Variants in MYOD1 observed in about 807,000 individuals in gnomAD.
MYOD1 encodes the protein myoblast determination protein 1.
MYOD1 carries 15 observed loss-of-function variants against 14.9 expected under a neutral mutation model. The observed-to-expected ratio is 1.01, with a 90% confidence interval of 0.67 to 1.55. The LOEUF (loss-of-function observed/expected upper bound fraction) is 1.55. MYOD1 is among the 40% of genes most tolerant of loss of function. The pLI is 0.00. For synonymous variants in MYOD1, 235 were observed against 218.6 expected, an observed-to-expected ratio of 1.07 and a Z score of -0.66; for missense variants, 529 against 482.6, an observed-to-expected ratio of 1.10 and a Z score of -0.90.
Position 17,720,009 on chromosome 11 carries a change from G to T in MYOD1, c.227G>T (p.Arg76Leu). The change falls in exon 1 of 3, where the codon CGT becomes CTT. Residue 76 changes from arginine (R) to leucine (L), a missense_variant. Physicochemically the swap from Arg to Leu is moderately radical, Grantham distance 102 (BLOSUM62 -2). Coordinates refer to ENST00000250003, the MANE Select transcript of MYOD1 (RefSeq NM_002478.5). The stretch of plus-strand genomic sequence containing the variant: ...GCGGTGCACCCGGCCCCGGGCGCAC[G>T]TGAGGACGAGCATGTGCGCGCGCCC... ...PAAVHPAPGA[R>L]EDEHVRAPSG... 1 of 1,600,606 alleles carries T rather than the reference G, an allele frequency of 6.2e-7. No individual in the cohort carries two copies. The highest frequency in any genetic ancestry group is 1.1e-5 in the South Asian group (1 of 89,944).
At position 17,720,354 on chromosome 11, in the gene MYOD1, A is replaced by G; in HGVS notation, c.572A>G (p.Glu191Gly). 1 of 1,541,238 alleles carries G rather than the reference A, an allele frequency of 6.5e-7. No homozygotes were observed. The highest frequency in any genetic ancestry group is 2.2e-5 in the Admixed American group (1 of 45,518). Residue 191 changes from glutamate (E) to glycine (G), a missense_variant, in exon 1 of 3, where the codon GAG becomes GGG. By Grantham distance (98) the Glu-to-Gly change is moderately conservative. Transcript: ENST00000250003. ...CCGCTGCCCCCGGGCCGCGGCGGCG[A>G]GCACTACAGCGGCGACTCCGACGCG... is the stretch of plus-strand genomic sequence containing the variant. ...PGPLPPGRGG[E>G]HYSGDSDASS... is the part of the protein sequence containing the mutation.
Position 17,720,294 on chromosome 11 carries a change from C to T in MYOD1, c.512C>T (p.Pro171Leu), listed in dbSNP as rs757020317. The T allele has an allele frequency of 1.9e-6, 3 of 1,593,170 alleles. No homozygotes were observed. The highest frequency in any genetic ancestry group is 2.6e-6 in the Non-Finnish European group (3 of 1,173,232). Residue 171 changes from proline to leucine, a missense_variant, in exon 1 of 3, where the codon CCC becomes CTC. Pro to Leu is a moderately conservative substitution (Grantham distance 98, BLOSUM62 -3). Transcript: ENST00000250003. ...QALLRDQDAA[P>L]PGAAAAFYAP... ...CTGCTGCGCGACCAGGACGCCGCGCCCCCTGGCGCCGCAGCCGCCTTCTAT... is the reference window on the plus strand; with the variant it reads ...CTGCTGCGCGACCAGGACGCCGCGCTCCCTGGCGCCGCAGCCGCCTTCTAT...
At position 17,721,395 on chromosome 11, in the gene MYOD1, G is replaced by C; in HGVS notation, c.850G>C (p.Glu284Gln). ...TTCTGAGTCGCCTCCGCGCAGGCAA[G>C]AGGCTGCCGCCCCCAGCGAGGGAGA... is the stretch of plus-strand genomic sequence containing the variant. Reference protein sequence around the residue: ...VPSESPPRRQEAAAPSEGESS... With the variant: ...VPSESPPRRQQAAAPSEGESS... Residue 284 changes from glutamate to glutamine, a missense_variant, in exon 3 of 3, where the codon GAG (glutamate) becomes CAG (glutamine). Glu to Gln is a conservative substitution (Grantham distance 29). Transcript: ENST00000250003. This position sits in a 1 kb window ranked among gnomAD's most constrained non-coding sequence, Gnocchi z 6.2. 6.3e-7 allele frequency: 1 copy of C among 1,597,094 alleles called. No individual in the cohort carries two copies. Among genetic ancestry groups the C allele is most frequent in the Non-Finnish European group, 8.5e-7 (1 of 1,178,196 alleles).
intron 1 of MYOD1, 65 bp from the exon 2 acceptor site, chr11:17,720,837 A>G: frequency 2.0e-6 from 3 of 1,530,488 alleles, no homozygotes; most frequent in Non-Finnish European, 2.7e-6. Context: ...GGGCGGCTAC[A>G]GGAATTGGTG....
chr11:17,719,796 C>T lies in MYOD1; in HGVS notation c.14C>T (p.Ser5Leu), dbSNP rs1848617588. The T allele has an allele frequency of 1.2e-6, 2 of 1,612,786 alleles. No homozygotes were observed. The highest frequency in any genetic ancestry group is 2.2e-5 in the East Asian group (1 of 44,832). Residue 5 changes from serine to leucine, a missense_variant, in exon 1 of 3, where the codon TCG (serine) becomes TTG (leucine). By Grantham distance (145) the Ser-to-Leu change is moderately radical (BLOSUM62 -2). Coordinates refer to ENST00000250003, the MANE Select transcript of MYOD1 (RefSeq NM_002478.5). MELLSPPLRDVDLTA... is the reference protein window; with the variant it reads MELLLPPLRDVDLTA... ...CACCGCCAGGATATGGAGCTACTGT[C>T]GCCACCGCTCCGCGACGTAGACCTG... is the stretch of plus-strand genomic sequence containing the variant.
At position 17,720,892 on chromosome 11, in the gene MYOD1, C is replaced by CAA; in HGVS notation, c.631-10_631-9insAA. ...CGCGGGCCTGACTCAGTCGCCCTTGCTGTTTGCAGATGGACTACAGCGGCC... is the reference window on the plus strand; with the variant it reads ...CGCGGGCCTGACTCAGTCGCCCTTGCAATGTTTGCAGATGGACTACAGCGGCC... On this transcript the variant is annotated splice_polypyrimidine_tract_variant and intron_variant, in intron 1 of 2. Coordinates refer to ENST00000250003, the MANE Select transcript of MYOD1 (RefSeq NM_002478.5). 6.2e-7 allele frequency: 1 copy of CAA among 1,610,826 alleles called. No individual in the cohort carries two copies. The highest frequency in any genetic ancestry group is 8.5e-7 in the Non-Finnish European group (1 of 1,179,066).
rs748471351 is a variant in MYOD1, at chr11:17,720,331, G to C, written c.549G>C (p.Pro183=). ...CAGCCGCCTTCTATGCGCCGGGCCCGCTGCCCCCGGGCCGCGGCGGCGAGC... is the reference window on the plus strand; with the variant it reads ...CAGCCGCCTTCTATGCGCCGGGCCCCCTGCCCCCGGGCCGCGGCGGCGAGC... ...GAAAAFYAPG[P]LPPGRGGEHY... Residue 183 remains proline, a synonymous_variant, in exon 1 of 3, where the codon CCG becomes CCC. Transcript: ENST00000250003. 31 of 1,552,546 alleles carry C rather than the reference G, an allele frequency of 2.0e-5. No homozygotes were observed. The highest frequency in any genetic ancestry group is 2.6e-5 in the Non-Finnish European group (30 of 1,157,894).
rs760327910 is a variant in MYOD1 at position 17,721,007 on chromosome 11, C to T, written c.709+27C>T. ...TGGGTATTCCGGGCCTCTCCCTGCT[C>T]GCTCCTCCTCCTTCATGGAGCTGTC... On this transcript the variant is annotated intron_variant, in intron 2 of 2. Coordinates refer to ENST00000250003, the MANE Select transcript of MYOD1 (RefSeq NM_002478.5). This position sits in a 1 kb window ranked among gnomAD's most constrained non-coding sequence, Gnocchi z 6.2. 3 of 1,553,344 alleles carry T rather than the reference C, an allele frequency of 1.9e-6. No homozygotes were observed. The East Asian group carries it at 7.1e-5, about 37-fold the overall frequency.
rs1848627629 is a variant in MYOD1 at position 17,720,507 on chromosome 11, T to C, written c.630+95T>C. ...GGCGGGGAGCTGGCCTTGCGGGAGG[T>C]TTGGGCCAGGATCCTTCCCGAGAGA... On this transcript the variant is annotated intron_variant, in intron 1 of 2. Transcript: ENST00000250003. 8 of 1,412,172 alleles carry C rather than the reference T, an allele frequency of 5.7e-6. No homozygotes were observed. In the East Asian group the frequency reaches 2.2e-4, roughly 38 times the overall value. The allele number at this position is 1,412,172 out of a possible 1,614,324, so 87.5% of individuals were successfully genotyped here.
rs1252917027 is a variant in MYOD1 at position 17,721,195 on chromosome 11, G to C, written c.710-60G>C. The C allele has an allele frequency of 1.2e-5, 17 of 1,458,478 alleles. No homozygotes were observed. Among genetic ancestry groups the C allele is most frequent in the Non-Finnish European group, 1.4e-5 (16 of 1,105,960 alleles). The allele number at this position is 1,458,478 out of a possible 1,614,324, so 90.3% of individuals were successfully genotyped here. On this transcript the variant is annotated intron_variant, in intron 2 of 2. Transcript: ENST00000250003. This position sits in a 1 kb window ranked among gnomAD's most constrained non-coding sequence, Gnocchi z 6.2. ...CAATCTGTCTCAAAGTACTGGGCCC[G>C]GGGGTGGGAGGCTTGTCGCGGCCCC...
At position 17,719,767 on chromosome 11, in the gene MYOD1, G is replaced by A; in HGVS notation, c.-16G>A. ...GGTTGGGCGAAGCCAGGACCGTGCC[G>A]CGCCACCGCCAGGATATGGAGCTAC... On this transcript the variant is annotated 5_prime_UTR_variant, in exon 1 of 3. Transcript: ENST00000250003. 3.7e-6 allele frequency: 6 copies of A among 1,604,810 alleles called. No individual in the cohort carries two copies. Among genetic ancestry groups the A allele is most frequent in the African/African-American group, 1.3e-5 (1 of 74,874 alleles).
Position 17,721,594 on chromosome 11 carries a change from C to G in MYOD1, c.*86C>G. On this transcript the variant is annotated 3_prime_UTR_variant, in exon 3 of 3. Coordinates refer to ENST00000250003, the MANE Select transcript of MYOD1 (RefSeq NM_002478.5). The surrounding 1 kb of genome is among the most constrained non-coding windows in gnomAD (Gnocchi z 6.2). ...AGATTGAACTTAAATGCCCCCCTCC[C>G]AACAGCGCTTTAAAAGCGACCTCTC... 1 of 1,431,100 alleles carries G rather than the reference C, an allele frequency of 7.0e-7. No homozygotes were observed. The highest frequency in any genetic ancestry group is 2.5e-5 in the East Asian group (1 of 39,558). The allele number at this position is 1,431,100 out of a possible 1,614,324, so 88.7% of individuals were successfully genotyped here. A position where few individuals can be genotyped will look rare whatever the true frequency, so the allele number is the denominator to read the frequency against.
chr11:17,721,405 C>T lies in MYOD1; in HGVS notation c.860C>T (p.Ala287Val). Residue 287 changes from alanine (A) to valine (V), a missense_variant, in exon 3 of 3, where the codon GCC (alanine) becomes GTC (valine). By Grantham distance (64) the Ala-to-Val change is moderately conservative. Coordinates refer to ENST00000250003, the MANE Select transcript of MYOD1 (RefSeq NM_002478.5). This position sits in a 1 kb window ranked among gnomAD's most constrained non-coding sequence, Gnocchi z 6.2. ...ESPPRRQEAAAPSEGESSGDP... is the reference protein window; with the variant it reads ...ESPPRRQEAAVPSEGESSGDP... ...CCTCCGCGCAGGCAAGAGGCTGCCG[C>T]CCCCAGCGAGGGAGAGAGCAGCGGC... 2 of 1,597,710 alleles carry T rather than the reference C, an allele frequency of 1.3e-6. No homozygotes were observed. The highest frequency in any genetic ancestry group is 8.5e-7 in the Non-Finnish European group (1 of 1,178,284).
Position 17,719,587 on chromosome 11 carries a change from T to A in MYOD1, c.-196T>A. On this transcript the variant is annotated 5_prime_UTR_variant, in exon 1 of 3. Coordinates refer to ENST00000250003, the MANE Select transcript of MYOD1 (RefSeq NM_002478.5). ...CGAGAAGCTAGGGGTGAGGAAGCCC[T>A]GGGGCGCTGCCGCCGCTTTCCTTAA... is the stretch of plus-strand genomic sequence containing the variant. 7 of 695,412 alleles carry A rather than the reference T, an allele frequency of 1.0e-5. No homozygotes were observed. Among genetic ancestry groups the A allele is most frequent in the Non-Finnish European group, 1.6e-5 (7 of 430,726 alleles). 43.1% of individuals were successfully genotyped at this position (695,412 alleles called of 1,614,324 possible).
intron 1 of MYOD1, among the ~76,000 whole-genome samples, 185 bp from the exon 2 acceptor site, chr11:17,720,717 T>C: frequency 6.6e-6 from 1 of 152,184 alleles, no homozygotes; most frequent in South Asian, 2.1e-4. Flanking sequence ...TGTCCGCCCT[T>C]GGTTTGGCCC....
Position 17,720,272 on chromosome 11 carries a change from C to T in MYOD1, c.490C>T (p.Leu164=), listed in dbSNP as rs1222587789. Residue 164 remains leucine (L), a synonymous_variant, in exon 1 of 3, where the codon CTG becomes TTG. Transcript: ENST00000250003. ...IRYIEGLQAL[L]RDQDAAPPGA... The stretch of plus-strand genomic sequence containing the variant: ...CTATATCGAGGGCCTGCAGGCTCTG[C>T]TGCGCGACCAGGACGCCGCGCCCCC... The T allele has an allele frequency of 6.3e-7, 1 of 1,597,892 alleles. No individual in the cohort carries two copies. The highest frequency in any genetic ancestry group is 1.1e-5 in the South Asian group (1 of 89,550).
rs764755479 is a variant in MYOD1, at chr11:17,721,205, G to A, written c.710-50G>A. 31 of 1,468,400 alleles carry A rather than the reference G, an allele frequency of 2.1e-5. No individual in the cohort carries two copies. The Admixed American group carries it at 3.0e-4, about 14-fold the overall frequency. 91.0% of individuals were successfully genotyped at this position (1,468,400 alleles called of 1,614,324 possible). The stretch of plus-strand genomic sequence containing the variant: ...CAAAGTACTGGGCCCGGGGGTGGGA[G>A]GCTTGTCGCGGCCCCACCCCTGCTT... On this transcript the variant is annotated intron_variant, in intron 2 of 2. Coordinates refer to ENST00000250003, the MANE Select transcript of MYOD1 (RefSeq NM_002478.5). The surrounding 1 kb of genome is among the most constrained non-coding windows in gnomAD (Gnocchi z 6.2).
At position 17,719,777 on chromosome 11, in the gene MYOD1, CA is replaced by C. The variant is rs1464288112; in HGVS notation, c.-5del. ...AGCCAGGACCGTGCCGCGCCACCGCCAGGATATGGAGCTACTGTCGCCACCG... is the reference window on the plus strand; with the variant it reads ...AGCCAGGACCGTGCCGCGCCACCGCCGGATATGGAGCTACTGTCGCCACCG... On this transcript the variant is annotated 5_prime_UTR_variant, in exon 1 of 3. Coordinates refer to ENST00000250003, the MANE Select transcript of MYOD1 (RefSeq NM_002478.5). 1 of 1,608,760 alleles carries C rather than the reference CA, an allele frequency of 6.2e-7. No individual in the cohort carries two copies. The highest frequency in any genetic ancestry group is 8.5e-7 in the Non-Finnish European group (1 of 1,177,240).
Position 17,721,236 on chromosome 11 carries a change from C to A in MYOD1, c.710-19C>A. ...TCGCGGCCCCACCCCTGCTTACTAA[C>A]CGAGCCCTCCCCGCGCAGAACCCAG... On this transcript the variant is annotated intron_variant, in intron 2 of 2. Transcript: ENST00000250003. This position sits in a 1 kb window ranked among gnomAD's most constrained non-coding sequence, Gnocchi z 6.2. 1.3e-6 allele frequency: 2 copies of A among 1,518,330 alleles called. No homozygotes were observed. Among genetic ancestry groups the A allele is most frequent in the South Asian group, 2.5e-5 (2 of 79,746 alleles). 94.1% of individuals were successfully genotyped at this position (1,518,330 alleles called of 1,614,324 possible).
Sources: gnomAD v4.1 joint callset for allele counts (sites outside exome capture counted in the v4.1 genomes callset) on GRCh38, gnomAD v4.1.1 for gene constraint, Gnocchi (gnomAD v3.1) non-coding constraint, MANE v1.5 for transcripts, NCBI Gene and HGNC (gene_info 2026-07-23, HGNC 2026-07-21) for gene names.